Variants in AFDN observed in about 807,000 individuals in gnomAD.
The protein encoded by AFDN is afadin, adherens junction formation factor.
Under a neutral mutation model 216.6 loss-of-function variants are expected in AFDN, and 68 were observed. The observed-to-expected ratio is 0.31, with a 90% CI of 0.26 to 0.38. The LOEUF is 0.38. Among genes scored for constraint, AFDN ranks in the 10% least tolerant of loss-of-function variants. The pLI, the probability that AFDN is intolerant of heterozygous loss-of-function variation, is 1.00. For synonymous variants in AFDN, 868 were observed against 853.7 expected (o/e 1.02, Z -0.29); for missense variants, 2,136 against 2,342.0 (o/e 0.91, Z 1.82).
intron 12 of AFDN, among the ~76,000 whole-genome samples, chr6:167,905,390 T>C (rs1254854152): frequency 2.6e-5 from 4 of 152,192 alleles, no homozygotes; most frequent in African/African-American, 9.7e-5. Flanking sequence ...AAACTGTCTT[T>C]ATAAAAATTT....
intron 9 of AFDN, among the ~76,000 whole-genome samples, chr6:167,895,262 C>A (rs1453536273): frequency 3.9e-5 from 6 of 152,012 alleles, no homozygotes; most frequent in Admixed American, 3.9e-4. Flanking sequence ...GGACACATTT[C>A]TTAACTAGGG....
intron 5 of AFDN, among the ~76,000 whole-genome samples, chr6:167,876,851 T>G (rs755351636): frequency 1.3e-5 from 2 of 152,186 alleles, no homozygotes; most frequent in Non-Finnish European, 2.9e-5. Context: ...TATTTTGCAC[T>G]GCCATTGGGG....
Position 167,951,967 on chromosome 6 carries a change from A to G in AFDN, c.4613A>G (p.His1538Arg). The G allele has an allele frequency of 1.2e-6, 2 of 1,614,226 alleles. No homozygotes were observed. The highest frequency in any genetic ancestry group is 1.7e-6 in the Non-Finnish European group (2 of 1,180,038). The stretch of plus-strand genomic sequence containing the variant: ...AAGCTGGAGAAGCAGCAGCAGATGC[A>G]CATCGTGGACATGCTGAGCAAGGAG... ...KEKLEKQQQMHIVDMLSKEIQ... is the reference protein window; with the variant it reads ...KEKLEKQQQMRIVDMLSKEIQ... The change falls in exon 30 of 34, where the codon CAC (histidine) becomes CGC (arginine). Residue 1538 changes from histidine (H) to arginine (R), a missense_variant. Coordinates refer to ENST00000683244, the MANE Select transcript of AFDN (RefSeq NM_001386888.1). The surrounding 1 kb of genome is among the most constrained non-coding windows in gnomAD (Gnocchi z 7.1).
In AFDN at chr6:167,902,240, C is replaced by T. The variant is rs545362467; in HGVS notation, c.1581-77C>T. The T allele has an allele frequency of 3.0e-4, 311 of 1,027,554 alleles. 4 individuals are homozygous for T. The Middle Eastern group carries it at 7.4e-3, about 24-fold the overall frequency. The allele number at this position is 1,027,554 out of a possible 1,614,324, so 63.7% of individuals were successfully genotyped here. On this transcript the variant is annotated intron_variant, in intron 11 of 33. Coordinates refer to ENST00000683244, the MANE Select transcript of AFDN (RefSeq NM_001386888.1). The stretch of plus-strand genomic sequence containing the variant: ...TTTGACATTTGGTATTTTAGTTCTT[C>T]CTTGTGTATTAAGAAGAGACTATGC...
chr6:167,881,317 T>C (rs550304953), intron 6 of AFDN, among the ~76,000 whole-genome samples: 3 of 152,346 alleles, frequency 2.0e-5, no homozygotes, highest in East Asian at 3.9e-4. Flanking sequence ...AGCTCAACTT[T>C]AGCTGACAGT....
intron 23 of AFDN, among the ~76,000 whole-genome samples, chr6:167,937,498 A>T (rs539176913): frequency 1.3e-5 from 2 of 152,284 alleles, no homozygotes; most frequent in South Asian, 4.2e-4. Context: ...TCCTCCCGCC[A>T]CAGCCTCCCA....
In AFDN at chr6:167,890,859, T is replaced by C. The variant is rs200695999; in HGVS notation, c.1010-3T>C. On this transcript the variant is annotated splice_polypyrimidine_tract_variant and splice_region_variant and intron_variant, in intron 7 of 33. Coordinates refer to ENST00000683244, the MANE Select transcript of AFDN (RefSeq NM_001386888.1). The stretch of plus-strand genomic sequence containing the variant: ...CTGATGATTTCCCATGCTGCTGTTC[T>C]AGGGATTTTAGTCTTTCAGTTGAAG... The C allele has an allele frequency of 2.2e-4, 347 of 1,612,990 alleles. 1 individual carries two copies. The highest frequency in any genetic ancestry group is 1.4e-4 in the Non-Finnish European group (165 of 1,179,562).
At chr6:167,887,735 G>A (rs1378010307) in intron 6 of AFDN, among the ~76,000 whole-genome samples, 1 of 152,128 alleles carries the variant, frequency 6.6e-6, no homozygotes, top group Admixed American at 6.5e-5. Context: ...TAGGATTACA[G>A]GCATGAGCCA....
rs1471409116 is a variant in AFDN, at chr6:167,875,450, A to G, written c.694A>G (p.Lys232Glu). The G allele has an allele frequency of 6.2e-7, 1 of 1,614,028 alleles. No individual in the cohort carries two copies. The highest frequency in any genetic ancestry group is 8.5e-7 in the Non-Finnish European group (1 of 1,179,934). The stretch of plus-strand genomic sequence containing the variant: ...ACGACGGAGGCAGCAAAAATTGGAA[A>G]AGAGAATGCAGGAATTTCGGAGCTC... ...MKRRRQQKLE[K>E]RMQEFRSSDG... The change falls in exon 5 of 34, where the codon AAG (lysine) becomes GAG (glutamate). Residue 232 changes from lysine to glutamate, a missense_variant. Physicochemically the swap from Lys to Glu is moderately conservative, Grantham distance 56. Around this residue, in one of 8 missense-constraint regions of AFDN, gnomAD observed 817 missense variants for 965.7 expected, o/e 0.85. Coordinates refer to ENST00000683244, the MANE Select transcript of AFDN (RefSeq NM_001386888.1).
intron 26 of AFDN, among the ~76,000 whole-genome samples, chr6:167,945,551 T>C (rs1795167301): frequency 6.6e-6 from 1 of 152,222 alleles, no homozygotes; most frequent in African/African-American, 2.4e-5. Context: ...TGTATACAGC[T>C]AGCAGTGCAG....
At chr6:167,916,282 C>G (rs182841768) in intron 19 of AFDN, among the ~76,000 whole-genome samples, 24 of 152,306 alleles carry the variant, frequency 1.6e-4, no homozygotes, top group African/African-American at 5.5e-4. Context: ...ACCAGCTGAT[C>G]TTGTTTTAAC....
At chr6:167,829,052 C>T (rs1779537564) in intron 1 of AFDN, among the ~76,000 whole-genome samples, 1 of 151,994 alleles carries the variant, frequency 6.6e-6, no homozygotes, top group African/African-American at 2.4e-5. Context: ...TTTGTACATA[C>T]ACTGAAGCAA....
chr6:167,970,195 T>C lies in AFDN; in HGVS notation c.*260T>C. 1 of 394,076 alleles carries C rather than the reference T, an allele frequency of 2.5e-6. No homozygotes were observed. 24.4% of individuals were successfully genotyped at this position (394,076 alleles called of 1,614,324 possible). A position where few individuals can be genotyped will look rare whatever the true frequency, so the allele number is the denominator to read the frequency against. Reference sequence around the variant, plus strand: ...ACTCACACGAGGGTAAGTTTTTTGTTGGTTTCTTTTTTGGAGTCCTGAGTT... The same window carrying C: ...ACTCACACGAGGGTAAGTTTTTTGTCGGTTTCTTTTTTGGAGTCCTGAGTT... On this transcript the variant is annotated 3_prime_UTR_variant, in exon 34 of 34. Coordinates refer to ENST00000683244, the MANE Select transcript of AFDN (RefSeq NM_001386888.1).
chr6:167,957,490 T>C (rs2128722820), intron 30 of AFDN, among the ~76,000 whole-genome samples: 1 of 152,202 alleles, frequency 6.6e-6, no homozygotes, highest in African/African-American at 2.4e-5. Flanking sequence ...TGTTACTAGG[T>C]TGTTTCCTAT....
chr6:167,907,083 T>C (rs1789789658), intron 12 of AFDN, 88 bp from the exon 13 acceptor site: 3 of 934,122 alleles, frequency 3.2e-6, no homozygotes, highest in Non-Finnish European at 1.7e-6. Flanking sequence ...TTGGCAGCCC[T>C]GTATCAGATC....
chr6:167,943,907 A>C, intron 25 of AFDN, 34 bp from the exon 26 acceptor site: 1 of 1,574,856 alleles, frequency 6.3e-7, no homozygotes, highest in Admixed American at 1.7e-5. Flanking sequence ...ACTGCGTTTT[A>C]GTCTTTCTTA....
chr6:167,948,526 C>G lies in AFDN; in HGVS notation c.3831+48C>G, dbSNP rs12665666. ...CACTTTTCTCACCTCTCAAGGAGGA[C>G]ACACTGAGTTCTGAGACACAATTAA... On this transcript the variant is annotated intron_variant, in intron 29 of 33. Coordinates refer to ENST00000683244, the MANE Select transcript of AFDN (RefSeq NM_001386888.1). 5 of 1,534,836 alleles carry G rather than the reference C, an allele frequency of 3.3e-6. No individual in the cohort carries two copies. The East Asian group carries it at 9.1e-5, about 28-fold the overall frequency.
intron 31 of AFDN, 144 bp from the exon 32 acceptor site, chr6:167,965,613 C>G: frequency 2.7e-6 from 2 of 747,102 alleles, no homozygotes; most frequent in Non-Finnish European, 4.2e-6. Context: ...CTGGATTGAC[C>G]TGCTGCTTCT....
intron 1 of AFDN, among the ~76,000 whole-genome samples, chr6:167,858,565 T>G (rs992181658): frequency 3.9e-5 from 6 of 152,212 alleles, no homozygotes; most frequent in Non-Finnish European, 8.8e-5. Context: ...GAATAAGCAT[T>G]AAGATGTACT....
Sources: gnomAD v4.1 joint callset for allele counts (sites outside exome capture counted in the v4.1 genomes callset) on GRCh38, gnomAD v4.1.1 for gene constraint, gnomAD v4.1.1 regional missense constraint, Gnocchi (gnomAD v3.1) non-coding constraint, MANE v1.5 for transcripts, NCBI Gene and HGNC (gene_info 2026-07-23, HGNC 2026-07-21) for gene names.